Variants in ASAP2 observed in about 807,000 individuals in gnomAD.
ASAP2 encodes the protein arf-GAP with SH3 domain, ANK repeat and PH domain-containing protein 2.
In ASAP2, 45 loss-of-function variants were observed where a neutral mutation model predicts 131.4. The observed-to-expected ratio is 0.34, with a 90% CI of 0.27 to 0.44. The LOEUF is 0.44. ASAP2 is among the 20% of genes least tolerant of loss of function. The pLI, the probability that ASAP2 is intolerant of heterozygous loss-of-function variation, is 1.00. For synonymous variants in ASAP2, 510 were observed against 503.0 expected (o/e 1.01, Z -0.19); for missense variants, 1,011 against 1,297.0 (o/e 0.78, Z 3.39).
chr2:9,248,531 G>GT (rs1225698062), intron 1 of ASAP2, among the ~76,000 whole-genome samples: 1 of 152,024 alleles, frequency 6.6e-6, no homozygotes, highest in African/African-American at 2.4e-5. Flanking sequence ...GTTGACCCCA[G>GT]TGAGAGTCAG....
intron 1 of ASAP2, among the ~76,000 whole-genome samples, chr2:9,221,308 ATTTTC>A (rs1214544248): frequency 9.3e-5 from 13 of 139,770 alleles, no homozygotes; most frequent in African/African-American, 3.2e-4. Context: ...AGTTTTTTTC[ATTTTC>A]TTTTCTTTTC....
chr2:9,214,230 T>C (rs1242768208), intron 1 of ASAP2, among the ~76,000 whole-genome samples: 3 of 152,158 alleles, frequency 2.0e-5, no homozygotes, highest in African/African-American at 4.8e-5. Context: ...ACTTTTTTTC[T>C]TTTCTTTTTC....
chr2:9,395,024 G>T (rs2148809287), intron 24 of ASAP2, among the ~76,000 whole-genome samples: 1 of 152,332 alleles, frequency 6.6e-6, no homozygotes, highest in Non-Finnish European at 1.5e-5. Flanking sequence ...CACGGTGGCT[G>T]GGTCCACGGA....
intron 1 of ASAP2, among the ~76,000 whole-genome samples, chr2:9,272,783 T>C (rs368269772): frequency 1.1e-4 from 17 of 152,204 alleles, no homozygotes; most frequent in African/African-American, 3.6e-4. Flanking sequence ...ATATTTAGTC[T>C]TCCCAGCACA....
chr2:9,328,396 G>T (rs1379453139), intron 7 of ASAP2, among the ~76,000 whole-genome samples: 1 of 152,150 alleles, frequency 6.6e-6, no homozygotes, highest in Non-Finnish European at 1.5e-5. Context: ...TAAAAAATCT[G>T]TAGTAATTGC....
At chr2:9,388,595 G>T (rs1395217314) in intron 22 of ASAP2, 49 bp downstream of exon 22, 1 of 1,572,646 alleles carries the variant, frequency 6.4e-7, no homozygotes, top group Admixed American at 2.1e-5. Context: ...GTCTTGTTTT[G>T]TGGTTTGGGA....
At chr2:9,399,697 G>T in intron 24 of ASAP2, 1 of 396,990 alleles carries the variant, frequency 2.5e-6, no homozygotes, top group Non-Finnish European at 4.6e-6. Flanking sequence ...ATGGGACCAA[G>T]GCAGGGAAGG....
chr2:9,311,287 A>G lies in ASAP2; in HGVS notation c.346-7237A>G, dbSNP rs926531060. Among the ~76,000 whole-genome samples the G allele has an allele frequency of 1.3e-5, 2 of 151,280 alleles. No individual in the cohort carries two copies. Among genetic ancestry groups the G allele is most frequent in the Non-Finnish European group, 2.9e-5 (2 of 67,872 alleles). On this transcript the variant is annotated intron_variant, in intron 3 of 27. Transcript: ENST00000281419. The surrounding 1 kb of genome is among the most constrained non-coding windows in gnomAD (Gnocchi z 5.2). ...GTGGCTCATGCCTGTGGTCCCAGCT[A>G]CTCGGGAGGCAGAGGTGGGAGGATC... is the stretch of plus-strand genomic sequence containing the variant.
At chr2:9,216,871 T>C (rs920113533) in intron 1 of ASAP2, among the ~76,000 whole-genome samples, 1 of 152,186 alleles carries the variant, frequency 6.6e-6, no homozygotes, top group Non-Finnish European at 1.5e-5. Context: ...AGTGCTGGTA[T>C]TATAGGCGTG....
At chr2:9,362,520 T>C (rs973338788) in intron 15 of ASAP2, among the ~76,000 whole-genome samples, 2 of 152,206 alleles carry the variant, frequency 1.3e-5, no homozygotes, top group Non-Finnish European at 2.9e-5. Flanking sequence ...CACATGCTTA[T>C]GTTTTGTGGT....
intron 7 of ASAP2, among the ~76,000 whole-genome samples, chr2:9,332,822 A>G (rs1670934098): frequency 6.6e-6 from 1 of 152,274 alleles, no homozygotes; most frequent in Non-Finnish European, 1.5e-5. Context: ...ACACGTAAAT[A>G]AAATACAAGA....
At chr2:9,272,213 A>C (rs1041276774) in intron 1 of ASAP2, among the ~76,000 whole-genome samples, 3 of 152,072 alleles carry the variant, frequency 2.0e-5, no homozygotes, top group Non-Finnish European at 4.4e-5. Context: ...ACATCCCCAC[A>C]AGCATTTGTT....
At chr2:9,271,667 G>C in intron 1 of ASAP2, 1 of 686,356 alleles carries the variant, frequency 1.5e-6, no homozygotes, top group Middle Eastern at 2.7e-4. Flanking sequence ...ATGGTCTGCG[G>C]AAGACGGCGG....
chr2:9,380,103 G>A (rs1025443132), intron 19 of ASAP2, among the ~76,000 whole-genome samples: 5 of 152,192 alleles, frequency 3.3e-5, no homozygotes, highest in Admixed American at 6.5e-5. Flanking sequence ...AGTGCTTTTC[G>A]TTAGAGGTTT....
intron 2 of ASAP2, among the ~76,000 whole-genome samples, chr2:9,285,149 T>G (rs1323445908): frequency 2.0e-5 from 3 of 152,170 alleles, no homozygotes; most frequent in African/African-American, 7.2e-5. Context: ...TCTCTGACTT[T>G]CTAGGAAAAA....
chr2:9,239,642 T>C lies in ASAP2; in HGVS notation c.126+32412T>C, dbSNP rs148849496. Among the ~76,000 whole-genome samples, 1,018 of 152,324 alleles carry C rather than the reference T, an allele frequency of 6.7e-3. 13 individuals are homozygous for C. Among genetic ancestry groups the C allele is most frequent in the African/African-American group, 0.024 (979 of 41,574 alleles). On this transcript the variant is annotated intron_variant, in intron 1 of 27. Coordinates refer to ENST00000281419, the MANE Select transcript of ASAP2 (RefSeq NM_003887.3). ...CCTAATATTAACCGAGCACCATTTATGTGCCGGCCATTTGGACCCATCTAA... is the reference window on the plus strand; with the variant it reads ...CCTAATATTAACCGAGCACCATTTACGTGCCGGCCATTTGGACCCATCTAA...
At chr2:9,292,702 G>A (rs907108479) in intron 2 of ASAP2, among the ~76,000 whole-genome samples, 10 of 152,140 alleles carry the variant, frequency 6.6e-5, no homozygotes, top group Admixed American at 5.2e-4. Context: ...AGTCCTCAGC[G>A]CCTAGCACAT....
intron 24 of ASAP2, among the ~76,000 whole-genome samples, chr2:9,397,928 T>G (rs1676301549): frequency 6.6e-6 from 1 of 150,460 alleles, no homozygotes; most frequent in Non-Finnish European, 1.5e-5. Context: ...CCGGCTAATT[T>G]TTTGTATTTT....
At chr2:9,336,015 G>A (rs1310704228) in intron 9 of ASAP2, 1 of 152,002 alleles carries the variant, frequency 6.6e-6, no homozygotes, top group African/African-American at 2.4e-5. Context: ...TCCCAAATGC[G>A]TTTACCTTTT....
Sources: gnomAD v4.1 joint callset for allele counts (sites outside exome capture counted in the v4.1 genomes callset) on GRCh38, gnomAD v4.1.1 for gene constraint, Gnocchi (gnomAD v3.1) non-coding constraint, MANE v1.5 for transcripts, NCBI Gene and HGNC (gene_info 2026-07-23, HGNC 2026-07-21) for gene names.